FOXP1: variants seen among roughly 807,000 people sequenced by gnomAD.
The protein encoded by FOXP1 is forkhead box P1.
In FOXP1, 15 loss-of-function variants were observed where a neutral mutation model predicts 98.2. The observed-to-expected ratio is 0.15, with a 90% CI of 0.10 to 0.24. FOXP1 has a LOEUF of 0.24. FOXP1 is among the 10% of genes least tolerant of loss of function. The pLI is 1.00. For synonymous variants in FOXP1, 371 were observed against 314.5 expected (o/e 1.18, Z -1.90); for missense variants, 633 against 848.5 (o/e 0.75, Z 3.15).
intron 5 of FOXP1, among the ~76,000 whole-genome samples, chr3:71,250,151 C>T (rs1158839956): frequency 1.3e-5 from 2 of 152,198 alleles, no homozygotes; most frequent in Non-Finnish European, 2.9e-5. Context: ...CTATGCATTG[C>T]AGAATGTTGA....
intron 4 of FOXP1, among the ~76,000 whole-genome samples, chr3:71,338,532 A>G (rs1477187146): frequency 2.0e-5 from 3 of 152,112 alleles, no homozygotes; most frequent in Non-Finnish European, 4.4e-5. Flanking sequence ...GGTCCATGCC[A>G]TTCTCCTGCC....
chr3:71,540,965 G>A (rs912336548), intron 2 of FOXP1, among the ~76,000 whole-genome samples: 1 of 152,210 alleles, frequency 6.6e-6, no homozygotes, highest in Non-Finnish European at 1.5e-5. Context: ...CAAATATCTT[G>A]CCATTAAAAC....
At chr3:71,416,187 G>C (rs571721433) in intron 3 of FOXP1, among the ~76,000 whole-genome samples, 7 of 152,256 alleles carry the variant, frequency 4.6e-5, no homozygotes, top group Admixed American at 1.3e-4. Context: ...CGAAAGGGAT[G>C]AATGCCACAA....
chr3:71,126,416 A>T (rs2059181025), intron 6 of FOXP1, among the ~76,000 whole-genome samples: 1 of 151,968 alleles, frequency 6.6e-6, no homozygotes, highest in Non-Finnish European at 1.5e-5. Flanking sequence ...GTGAACCCGG[A>T]AGGCAGAGCT....
At chr3:71,072,199 G>A (rs1170288164) in intron 7 of FOXP1, among the ~76,000 whole-genome samples, 2 of 152,098 alleles carry the variant, frequency 1.3e-5, no homozygotes, top group African/African-American at 4.8e-5. Context: ...TGCATCTGTA[G>A]TCCTAGCTAC....
At chr3:71,084,977 C>T (rs1200708274) in intron 7 of FOXP1, among the ~76,000 whole-genome samples, 1 of 152,166 alleles carries the variant, frequency 6.6e-6, no homozygotes, top group Non-Finnish European at 1.5e-5. Flanking sequence ...ACAAATCAAT[C>T]AATCAATCAT....
At chr3:71,486,301 T>C (rs908992322) in intron 3 of FOXP1, among the ~76,000 whole-genome samples, 3 of 152,352 alleles carry the variant, frequency 2.0e-5, no homozygotes, top group Middle Eastern at 3.4e-3. Context: ...GCCTGATGAA[T>C]AGCTCTCTAA....
chr3:71,421,467 TTG>T (rs1192186653), intron 3 of FOXP1, among the ~76,000 whole-genome samples: 1 of 152,190 alleles, frequency 6.6e-6, no homozygotes, highest in African/African-American at 2.4e-5. Flanking sequence ...CCAAAATCGC[TTG>T]TGTTTCCTAA....
At chr3:70,973,835 G>GCCCCCCCCCCCCCCC (rs56950015) in intron 17 of FOXP1, among the ~76,000 whole-genome samples, 28 of 36,692 alleles carry the variant, frequency 7.6e-4, no homozygotes, top group Non-Finnish European at 9.7e-4. Context: ...TTTGCACACC[G>GCCCCCCCCCCCCCCC]CCCCCCCCCC....
At chr3:71,232,965 C>G (rs1408069799) in intron 5 of FOXP1, among the ~76,000 whole-genome samples, 1 of 148,394 alleles carries the variant, frequency 6.7e-6, no homozygotes, top group African/African-American at 2.5e-5. Context: ...ACCACCACGA[C>G]TACTACTACT....
intron 4 of FOXP1, among the ~76,000 whole-genome samples, chr3:71,347,769 C>T (rs1272601758): frequency 6.6e-6 from 1 of 151,944 alleles, no homozygotes. Context: ...CCTGTAATTC[C>T]AGCTACTCGG....
chr3:71,345,423 C>T (rs542608094), intron 4 of FOXP1, among the ~76,000 whole-genome samples: 5 of 151,498 alleles, frequency 3.3e-5, no homozygotes, highest in Middle Eastern at 3.4e-3. Context: ...CACACACACA[C>T]ACACACACAC....
intron 2 of FOXP1, chr3:71,573,809 A>C (rs546673628): frequency 6.6e-6 from 1 of 152,322 alleles, no homozygotes; most frequent in East Asian, 1.9e-4. Context: ...CAAATAATTA[A>C]ATGGGGCAAA....
chr3:71,092,754 C>A (rs1229752092), intron 7 of FOXP1, among the ~76,000 whole-genome samples: 3 of 151,764 alleles, frequency 2.0e-5, no homozygotes, highest in African/African-American at 7.3e-5. Context: ...TGAAGGAAAA[C>A]TTGAGCTCCC....
chr3:71,206,420 C>T (rs1365713826), intron 5 of FOXP1, among the ~76,000 whole-genome samples: 1 of 152,132 alleles, frequency 6.6e-6, no homozygotes, highest in Non-Finnish European at 1.5e-5. Flanking sequence ...CCATTGGAAA[C>T]ACTGAATATA....
intron 6 of FOXP1, among the ~76,000 whole-genome samples, chr3:71,177,196 G>C (rs1054567587): frequency 6.6e-6 from 1 of 152,224 alleles, no homozygotes; most frequent in Non-Finnish European, 1.5e-5. Context: ...AGGACACACT[G>C]CAACAGGTGT....
At chr3:71,536,689 C>T (rs1012376620) in intron 2 of FOXP1, among the ~76,000 whole-genome samples, 23 of 150,968 alleles carry the variant, frequency 1.5e-4, no homozygotes, top group Non-Finnish European at 2.7e-4. Context: ...GGTGTTTGAG[C>T]AATGAACTGG....
chr3:71,063,520 A>G (rs904801774), intron 7 of FOXP1, among the ~76,000 whole-genome samples: 1 of 152,272 alleles, frequency 6.6e-6, no homozygotes, highest in Non-Finnish European at 1.5e-5. Flanking sequence ...ATATAAAAAC[A>G]AAAACAGCAA....
At chr3:71,508,751 C>T (rs2042001768) in intron 2 of FOXP1, among the ~76,000 whole-genome samples, 1 of 152,202 alleles carries the variant, frequency 6.6e-6, no homozygotes, top group South Asian at 2.1e-4. Flanking sequence ...TGGCCCCCAA[C>T]CTCCCAAGGG....
Sources: gnomAD v4.1 joint callset for allele counts (sites outside exome capture counted in the v4.1 genomes callset) on GRCh38, gnomAD v4.1.1 for gene constraint, MANE v1.5 for transcripts, NCBI Gene and HGNC (gene_info 2026-07-23, HGNC 2026-07-21) for gene names.